The following SLC8A2 variants were observed in gnomAD, a reference collection of about 807,000 sequenced individuals.
SLC8A2 encodes solute carrier family 8 member A2.
Under a neutral mutation model 70.2 loss-of-function variants are expected in SLC8A2, and 14 were observed. That is an observed-to-expected ratio of 0.20 (90% confidence interval 0.13 to 0.31). SLC8A2 has a LOEUF of 0.31. Ranked by LOEUF, SLC8A2 falls within the 10% of genes least tolerant of loss-of-function variation. The pLI is 1.00. For missense variants in SLC8A2, 779 were observed against 1,320.1 expected (o/e 0.59, Z 6.35); for synonymous variants, 575 against 594.3 (o/e 0.97, Z 0.47).
At chr19:47,444,476 C>T (rs1401035891) in intron 4 of SLC8A2, among the ~76,000 whole-genome samples, 2 of 152,140 alleles carry the variant, frequency 1.3e-5, no homozygotes, top group Admixed American at 1.3e-4. Flanking sequence ...CCGACCTCGG[C>T]GTGGGCTGTG....
chr19:47,435,972 C>T (rs969030313), intron 8 of SLC8A2, among the ~76,000 whole-genome samples: 1 of 152,208 alleles, frequency 6.6e-6, no homozygotes, highest in Non-Finnish European at 1.5e-5. Flanking sequence ...TCAAATGCCA[C>T]CCAAGCTCCC....
intron 4 of SLC8A2, among the ~76,000 whole-genome samples, chr19:47,443,095 T>C (rs1967118304): frequency 6.6e-6 from 1 of 152,218 alleles, no homozygotes; most frequent in South Asian, 2.1e-4. Flanking sequence ...GGTAAGTTCA[T>C]TTATGTTTTT....
chr19:47,457,007 G>C lies in SLC8A2; in HGVS notation c.1263C>G (p.Gly421=). ...SVLLSVTCQG[G]EGNSTFYVDY... is the part of the protein sequence containing the mutation. ...CCACGTAGAAGGTGCTGTTGCCCTC[G>C]CCGCCCTGGCACGTGACGGACAGCA... Residue 421 remains glycine (G), a synonymous_variant, in exon 3 of 10, where the codon GGC becomes GGG. Coordinates refer to ENST00000236877, the MANE Select transcript of SLC8A2 (RefSeq NM_015063.3). 3 of 1,612,596 alleles carry C rather than the reference G, an allele frequency of 1.9e-6. No homozygotes were observed. Among genetic ancestry groups the C allele is most frequent in the Non-Finnish European group, 2.5e-6 (3 of 1,179,512 alleles).
intron 5 of SLC8A2, 69 bp downstream of exon 5, chr19:47,441,268 A>G (rs1300115630): frequency 5.0e-6 from 8 of 1,586,430 alleles, no homozygotes; most frequent in Admixed American, 1.7e-5. Context: ...AGTGCCTGCA[A>G]TTGAGCCCCT....
At chr19:47,462,868 G>A (rs967226817) in intron 2 of SLC8A2, among the ~76,000 whole-genome samples, 2 of 152,098 alleles carry the variant, frequency 1.3e-5, no homozygotes, top group Admixed American at 1.3e-4. Context: ...GATTACAGGC[G>A]TGAGCCACTG....
chr19:47,452,444 GAGTGTGT>G, intron 3 of SLC8A2, among the ~76,000 whole-genome samples: 1 of 60,546 alleles, frequency 1.7e-5, no homozygotes, highest in Admixed American at 2.2e-4. Context: ...GAGAGAGAGA[GAGTGTGT>G]GTGTGTGTGT....
chr19:47,433,602 A>G (rs1265742222), intron 8 of SLC8A2, among the ~76,000 whole-genome samples: 1 of 151,012 alleles, frequency 6.6e-6, no homozygotes, highest in African/African-American at 2.4e-5. Context: ...TCATGCTTAG[A>G]GCTGTATCAC....
intron 1 of SLC8A2, among the ~76,000 whole-genome samples, chr19:47,470,376 C>A (rs1461367771): frequency 1.3e-5 from 2 of 151,968 alleles, no homozygotes; most frequent in Non-Finnish European, 2.9e-5. Flanking sequence ...CACACACACA[C>A]ACACACACAC....
intron 1 of SLC8A2, among the ~76,000 whole-genome samples, chr19:47,467,677 G>A (rs938255810): frequency 1.4e-4 from 22 of 151,866 alleles, no homozygotes; most frequent in South Asian, 2.1e-4. Flanking sequence ...GGCTATTACC[G>A]TGTCTTATCT....
chr19:47,448,281 C>T lies in SLC8A2; in HGVS notation c.1341-50G>A. 1.4e-6 allele frequency: 2 copies of T among 1,453,550 alleles called. No homozygotes were observed. The highest frequency in any genetic ancestry group is 1.3e-5 in the South Asian group (1 of 79,622). The allele number at this position is 1,453,550 out of a possible 1,614,324, so 90.0% of individuals were successfully genotyped here. On this transcript the variant is annotated intron_variant, in intron 3 of 9. Transcript: ENST00000236877. The surrounding 1 kb of genome is among the most constrained non-coding windows in gnomAD (Gnocchi z 4.8). Reference sequence around the variant, plus strand: ...GAGCGGGGTGAGGGTCGGTCATCGGCTGTGTGTTGTACGGGGGGAGTCTGG... The same window carrying T: ...GAGCGGGGTGAGGGTCGGTCATCGGTTGTGTGTTGTACGGGGGGAGTCTGG...
At chr19:47,452,445 AGTGTGTGTGT>A (rs1158828688) in intron 3 of SLC8A2, among the ~76,000 whole-genome samples, 131 of 54,028 alleles carry the variant, frequency 2.4e-3, no homozygotes, top group African/African-American at 3.7e-3. Context: ...AGAGAGAGAG[AGTGTGTGTGT>A]GTGTGTGTGT....
At chr19:47,452,429 AGAGAGAGAGAGAGAGAGTGTGTGTGT>A (rs1967250383) in intron 3 of SLC8A2, among the ~76,000 whole-genome samples, 3 of 111,312 alleles carry the variant, frequency 2.7e-5, no homozygotes, top group South Asian at 3.1e-4. Flanking sequence ...AGAGAGAGAG[AGAGAGAGAGAGAGAGAGTGTGTGTGT>A]GTGTGTGTGT....
rs553909800 is a variant in SLC8A2 at position 47,443,069 on chromosome 19, A to T, written c.1764-1629T>A. 4.6e-5 allele frequency among the ~76,000 whole-genome samples: 7 copies of T among 152,112 alleles called. 1 individual carries two copies. Among genetic ancestry groups the T allele is most frequent in the African/African-American group, 1.7e-4 (7 of 41,486 alleles). ...TTTACCATTTGCTTCCCCATCTTTA[A>T]ATTTAAGTTCCCCCAGGTAAGTTCA... On this transcript the variant is annotated intron_variant, in intron 4 of 9. Coordinates refer to ENST00000236877, the MANE Select transcript of SLC8A2 (RefSeq NM_015063.3).
chr19:47,439,155 C>A (rs971747240), intron 6 of SLC8A2, among the ~76,000 whole-genome samples: 1 of 152,182 alleles, frequency 6.6e-6, no homozygotes, highest in Non-Finnish European at 1.5e-5. Flanking sequence ...CCAAAGCTCC[C>A]TGGCACAGTG....
At chr19:47,445,950 G>A (rs1779647551) in intron 4 of SLC8A2, among the ~76,000 whole-genome samples, 1 of 152,206 alleles carries the variant, frequency 6.6e-6, no homozygotes, top group African/African-American at 2.4e-5. Flanking sequence ...GGAAAGGTGT[G>A]GAGTGTGCCT....
intron 2 of SLC8A2, among the ~76,000 whole-genome samples, chr19:47,462,066 C>T (rs1004832886): frequency 1.3e-5 from 2 of 152,142 alleles, no homozygotes; most frequent in Non-Finnish European, 1.5e-5. Context: ...ACAGAAATGT[C>T]CCACATGCCG....
At chr19:47,431,086 T>G (rs1030143244) in intron 9 of SLC8A2, among the ~76,000 whole-genome samples, 2 of 152,034 alleles carry the variant, frequency 1.3e-5, no homozygotes, top group Non-Finnish European at 2.9e-5. Context: ...TGGAGTACAG[T>G]GGTGCGATCA....
In SLC8A2 at chr19:47,466,094, C is replaced by T. The variant is rs1599860765; in HGVS notation, c.310G>A (p.Glu104Lys). 6.2e-7 allele frequency: 1 copy of T among 1,614,240 alleles called. No homozygotes were observed. Among genetic ancestry groups the T allele is most frequent in the Non-Finnish European group, 8.5e-7 (1 of 1,180,042 alleles). The change falls in exon 2 of 10, where the codon GAG becomes AAG. Residue 104 changes from glutamate to lysine, a missense_variant. Physicochemically the swap from Glu to Lys is moderately conservative, Grantham distance 56. This residue lies in a region of SLC8A2 where 155 missense variants were observed against 318.6 expected (regional missense o/e 0.49). Transcript: ENST00000236877. This position sits in a 1 kb window ranked among gnomAD's most constrained non-coding sequence, Gnocchi z 6.9. ...MAAIEVITSK[E>K]KEITITKANG... Reference sequence around the variant, plus strand: ...GCCTTGGTGATGGTGATCTCCTTCTCTTTTGACGTGATGACCTCGATGGCC... The same window carrying T: ...GCCTTGGTGATGGTGATCTCCTTCTTTTTTGACGTGATGACCTCGATGGCC...
intron 3 of SLC8A2, among the ~76,000 whole-genome samples, chr19:47,451,517 C>T (rs576309171): frequency 6.6e-4 from 100 of 152,176 alleles, no homozygotes; most frequent in African/African-American, 2.3e-3. Flanking sequence ...CCATGTTGCC[C>T]AGGCTGGTCT....
Sources: gnomAD v4.1 joint callset for allele counts (sites outside exome capture counted in the v4.1 genomes callset) on GRCh38, gnomAD v4.1.1 for gene constraint, gnomAD v4.1.1 regional missense constraint, Gnocchi (gnomAD v3.1) non-coding constraint, MANE v1.5 for transcripts, NCBI Gene and HGNC (gene_info 2026-07-23, HGNC 2026-07-21) for gene names.